The following ANKRD18B variants were observed in gnomAD, a reference collection of about 807,000 sequenced individuals.
ANKRD18B encodes the protein ankyrin repeat domain-containing protein 18B.
In ANKRD18B, 75 loss-of-function variants were observed where a neutral mutation model predicts 111.8. The observed-to-expected ratio is 0.67, with a 90% confidence interval of 0.56 to 0.81. The LOEUF is 0.81. ANKRD18B is among the 40% of genes least tolerant of loss of function. The probability of loss-of-function intolerance (pLI) is 0.00; values close to 1 mark genes in which losing one functional copy is unlikely to be tolerated. For synonymous variants in ANKRD18B, 356 were observed against 417.3 expected, an observed-to-expected ratio of 0.85 and a Z score of 1.79; for missense variants, 1,038 against 1,225.5, an observed-to-expected ratio of 0.85 and a Z score of 2.28.
chr9:33,562,785 A>G (rs985174436), intron 14 of ANKRD18B, among the ~76,000 whole-genome samples: 2 of 152,200 alleles, frequency 1.3e-5, no homozygotes, highest in Non-Finnish European at 2.9e-5. Context: ...TGAAGAGTAA[A>G]AGTCATTCCA....
chr9:33,544,997 A>G (rs757874398), intron 10 of ANKRD18B, among the ~76,000 whole-genome samples: 4 of 152,170 alleles, frequency 2.6e-5, no homozygotes, highest in Non-Finnish European at 5.9e-5. Flanking sequence ...CCTATCCCTG[A>G]TGGTGAGGAA....
intron 13 of ANKRD18B, among the ~76,000 whole-genome samples, chr9:33,556,844 A>G (rs763884323): frequency 2.0e-5 from 3 of 152,168 alleles, no homozygotes; most frequent in Non-Finnish European, 4.4e-5. Context: ...CTCATTTTAC[A>G]TGGGTAGCTC....
chr9:33,569,306 C>G (rs1177816268), intron 17 of ANKRD18B, among the ~76,000 whole-genome samples: 1 of 137,408 alleles, frequency 7.3e-6, no homozygotes, highest in African/African-American at 2.7e-5. Flanking sequence ...ACTCTGTTGC[C>G]TAGGCTAGAG....
chr9:33,574,057 C>T (rs1357603381), downstream of ANKRD18B, among the ~76,000 whole-genome samples: 1 of 141,034 alleles, frequency 7.1e-6, no homozygotes, highest in Non-Finnish European at 1.6e-5. Context: ...CAGTGAGAGC[C>T]TGGTCAGAGG....
In ANKRD18B at chr9:33,540,219, T is replaced by A. The variant is rs1300136818; in HGVS notation, c.997+7T>A. ...CACATGCGACCATGCCCAGGTAATT[T>A]TTGTATTTTTAGTAGAGACAGGGTT... On this transcript the variant is annotated splice_region_variant and intron_variant, in intron 8 of 18. Coordinates refer to ENST00000684830, the MANE Select transcript of ANKRD18B (RefSeq NM_001393611.1). 1 of 151,198 alleles carries A rather than the reference T, an allele frequency of 6.6e-6. No homozygotes were observed. The highest frequency in any genetic ancestry group is 1.5e-5 in the Non-Finnish European group (1 of 67,854). 9.4% of individuals were successfully genotyped at this position (151,198 alleles called of 1,614,324 possible). A position where few individuals can be genotyped will look rare whatever the true frequency, so the allele number is the denominator to read the frequency against.
chr9:33,550,147 G>A (rs1219807444), intron 11 of ANKRD18B, among the ~76,000 whole-genome samples: 1 of 152,184 alleles, frequency 6.6e-6, no homozygotes, highest in African/African-American at 2.4e-5. Context: ...ATTTCAACAG[G>A]TGACTGAATA....
At chr9:33,560,106 G>A (rs1211892308) in intron 14 of ANKRD18B, among the ~76,000 whole-genome samples, 11 of 152,166 alleles carry the variant, frequency 7.2e-5, no homozygotes, top group East Asian at 3.9e-4. Flanking sequence ...TGCTGTAGCA[G>A]GTATTGATGC....
chr9:33,566,853 T>C, intron 15 of ANKRD18B: 1 of 438,102 alleles, frequency 2.3e-6, no homozygotes, highest in East Asian at 4.4e-5. Context: ...TATAAATGGA[T>C]TCTATTACTT....
chr9:33,573,811 T>G (rs1287558439), downstream of ANKRD18B, among the ~76,000 whole-genome samples: 1 of 144,808 alleles, frequency 6.9e-6, no homozygotes, highest in African/African-American at 2.4e-5. Context: ...ACCTGGCCAG[T>G]TGGGACCTGA....
chr9:33,547,572 T>C (rs182890181), intron 10 of ANKRD18B, among the ~76,000 whole-genome samples: 3 of 152,172 alleles, frequency 2.0e-5, no homozygotes, highest in Admixed American at 2.0e-4. Flanking sequence ...TGCAATTTCC[T>C]TTTTCCAAGA....
At chr9:33,559,389 G>T (rs1156762231) in intron 14 of ANKRD18B, among the ~76,000 whole-genome samples, 6 of 151,982 alleles carry the variant, frequency 3.9e-5, no homozygotes, top group Non-Finnish European at 5.9e-5. Flanking sequence ...TATATTTGGG[G>T]GTAAAATACT....
At chr9:33,545,686 A>G (rs1828344767) in intron 10 of ANKRD18B, among the ~76,000 whole-genome samples, 1 of 152,246 alleles carries the variant, frequency 6.6e-6, no homozygotes, top group African/African-American at 2.4e-5. Flanking sequence ...CATCAAAAGC[A>G]TATCTAGAGG....
At chr9:33,533,336 T>C in intron 3 of ANKRD18B, 103 bp from the exon 4 acceptor site, 1 of 1,495,250 alleles carries the variant, frequency 6.7e-7, no homozygotes, top group Non-Finnish European at 8.9e-7. Flanking sequence ...TTACTTTCTG[T>C]CTATATTGCA....
rs1276433282 is a variant in ANKRD18B, at chr9:33,533,427, G to A, written c.496-12G>A. On this transcript the variant is annotated splice_polypyrimidine_tract_variant and intron_variant, in intron 3 of 18. Coordinates refer to ENST00000684830, the MANE Select transcript of ANKRD18B (RefSeq NM_001393611.1). Reference sequence around the variant, plus strand: ...ATTTTGTGAATTATAAATTGTTTTTGCTTTCTTACAGGAGGGAAACACTCC... The same window carrying A: ...ATTTTGTGAATTATAAATTGTTTTTACTTTCTTACAGGAGGGAAACACTCC... The A allele has an allele frequency of 2.0e-6, 3 of 1,511,008 alleles. No homozygotes were observed. The highest frequency in any genetic ancestry group is 4.9e-5 in the East Asian group (2 of 40,568). The allele number at this position is 1,511,008 out of a possible 1,614,324, so 93.6% of individuals were successfully genotyped here. A position where few individuals can be genotyped will look rare whatever the true frequency, so the allele number is the denominator to read the frequency against.
chr9:33,549,352 AG>A (rs1415363193), intron 11 of ANKRD18B, among the ~76,000 whole-genome samples: 1 of 152,144 alleles, frequency 6.6e-6, no homozygotes, highest in African/African-American at 2.4e-5. Flanking sequence ...CTTTGAGTAA[AG>A]ACATTATGTC....
intron 1 of ANKRD18B, among the ~76,000 whole-genome samples, chr9:33,526,317 T>C (rs948279322): frequency 5.9e-5 from 9 of 152,224 alleles, no homozygotes; most frequent in Admixed American, 2.0e-4. Flanking sequence ...AGAATGGGTA[T>C]GTGGCCATTG....
rs573462290 is a variant in ANKRD18B at position 33,559,693 on chromosome 9, G to A, written c.2460+1506G>A. The stretch of plus-strand genomic sequence containing the variant: ...GTATATATTTTTCTATACAAAAGAC[G>A]TGCTGTTGATTCTCTTATGTCTTGA... On this transcript the variant is annotated intron_variant, in intron 14 of 18. Transcript: ENST00000684830. 5.6e-4 allele frequency among the ~76,000 whole-genome samples: 85 copies of A among 152,072 alleles called. 3 individuals are homozygous for A. In the South Asian group the frequency reaches 0.013, roughly 23 times the overall value.
intron 11 of ANKRD18B, among the ~76,000 whole-genome samples, 154 bp from the exon 12 acceptor site, chr9:33,550,276 A>G (rs187882488): frequency 8.5e-5 from 13 of 152,312 alleles, no homozygotes; most frequent in Admixed American, 7.2e-4. Context: ...CCCTCACTGA[A>G]TTCAGTAATA....
chr9:33,557,681 G>A (rs1054676969), intron 13 of ANKRD18B, among the ~76,000 whole-genome samples: 19 of 152,060 alleles, frequency 1.2e-4, no homozygotes, highest in Admixed American at 3.3e-4. Context: ...CAGCTTACTT[G>A]GGAGGCTGAG....
Sources: gnomAD v4.1 joint callset for allele counts (sites outside exome capture counted in the v4.1 genomes callset) on GRCh38, gnomAD v4.1.1 for gene constraint, MANE v1.5 for transcripts, NCBI Gene and HGNC (gene_info 2026-07-23, HGNC 2026-07-21) for gene names.